Variants in STK39 observed in about 807,000 individuals in gnomAD.
The protein encoded by STK39 is STE20/SPS1-related proline-alanine-rich protein kinase.
In STK39, 20 loss-of-function variants were observed where a neutral mutation model predicts 77.8. That is an observed-to-expected ratio of 0.26 (90% confidence interval 0.18 to 0.37). The LOEUF (loss-of-function observed/expected upper bound fraction) is 0.37. STK39 is among the 10% of genes least tolerant of loss of function. STK39 has a pLI of 1.00. For synonymous variants in STK39, 246 were observed against 234.1 expected (o/e 1.05, Z -0.47); for missense variants, 479 against 656.5 (o/e 0.73, Z 2.95).
intron 2 of STK39, among the ~76,000 whole-genome samples, chr2:168,173,277 G>T (rs1688873804): frequency 6.6e-6 from 1 of 152,088 alleles, no homozygotes; most frequent in African/African-American, 2.4e-5. Context: ...TCTTTAAATG[G>T]TATAGGAGTA....
intron 10 of STK39, among the ~76,000 whole-genome samples, chr2:168,089,894 T>C (rs572570234): frequency 6.6e-6 from 1 of 152,360 alleles, no homozygotes; most frequent in East Asian, 1.9e-4. Context: ...CCACCGCACC[T>C]GGTCTAATAT....
intron 10 of STK39, among the ~76,000 whole-genome samples, chr2:168,077,505 G>A (rs1198274762): frequency 6.6e-6 from 1 of 152,172 alleles, no homozygotes; most frequent in Non-Finnish European, 1.5e-5. Context: ...GAAAGAAATG[G>A]TGGGATGGGC....
intron 5 of STK39, among the ~76,000 whole-genome samples, chr2:168,156,799 T>C (rs1475990716): frequency 2.0e-5 from 3 of 152,238 alleles, no homozygotes; most frequent in East Asian, 3.8e-4. Context: ...AAGGTGCTCA[T>C]AAATGTGATG....
At chr2:168,129,432 G>A (rs1020963825) in intron 10 of STK39, 109 bp downstream of exon 10, 64 of 1,192,684 alleles carry the variant, frequency 5.4e-5, no homozygotes, top group African/African-American at 3.1e-4. Context: ...GAGATATAGC[G>A]TCTGAATAGT....
intron 2 of STK39, among the ~76,000 whole-genome samples, chr2:168,172,369 G>T (rs897155892): frequency 6.6e-6 from 1 of 152,154 alleles, no homozygotes; most frequent in Admixed American, 6.5e-5. Context: ...TGTAATGCAT[G>T]GATAGGTCAT....
chr2:168,129,038 G>A lies in STK39; in HGVS notation c.1089+503C>T, dbSNP rs375023982. ...TTTTAGAAATCTAAAACCTAAAATG[G>A]AAGATTGTTCAGCTAATCATTACCA... On this transcript the variant is annotated intron_variant, in intron 10 of 17. Coordinates refer to ENST00000355999, the MANE Select transcript of STK39 (RefSeq NM_013233.3). Among the ~76,000 whole-genome samples the A allele has an allele frequency of 3.3e-5, 5 of 152,212 alleles. No homozygotes were observed. The East Asian group carries it at 7.7e-4, about 23-fold the overall frequency.
chr2:168,016,194 C>G (rs1684399412), intron 15 of STK39, among the ~76,000 whole-genome samples: 1 of 152,070 alleles, frequency 6.6e-6, no homozygotes, highest in South Asian at 2.1e-4. Context: ...TCTCAAAGTG[C>G]TGGGATTACA....
intron 16 of STK39, among the ~76,000 whole-genome samples, chr2:167,971,875 C>T (rs1354719333): frequency 6.6e-6 from 1 of 152,182 alleles, no homozygotes; most frequent in African/African-American, 2.4e-5. Flanking sequence ...AGACAGGGCC[C>T]CACCAGGGGC....
At chr2:167,956,696 A>ACACACT (rs776309488) in intron 17 of STK39, among the ~76,000 whole-genome samples, 2 of 48,992 alleles carry the variant, frequency 4.1e-5, no homozygotes, top group African/African-American at 1.6e-4. Flanking sequence ...ACACACACAC[A>ACACACT]CTCTCTCTCT....
At chr2:168,188,949 C>A (rs1350125734) in intron 1 of STK39, among the ~76,000 whole-genome samples, 1 of 152,204 alleles carries the variant, frequency 6.6e-6, no homozygotes, top group Non-Finnish European at 1.5e-5. Context: ...TTTCTCAAGG[C>A]AGCTACAAAC....
chr2:168,140,448 A>T, intron 6 of STK39, 58 bp from the exon 7 acceptor site: 1 of 1,452,864 alleles, frequency 6.9e-7, no homozygotes, highest in Non-Finnish European at 9.7e-7. Context: ...ACACATCATC[A>T]AGTCCATGTC....
chr2:168,150,425 T>C (rs1688249544), intron 5 of STK39, among the ~76,000 whole-genome samples: 1 of 152,182 alleles, frequency 6.6e-6, no homozygotes, highest in African/African-American at 2.4e-5. Flanking sequence ...GGCACACCTC[T>C]TTGGGAATAC....
intron 5 of STK39, among the ~76,000 whole-genome samples, chr2:168,151,738 C>CAA (rs146231233): frequency 2.7e-5 from 3 of 111,486 alleles, no homozygotes; most frequent in Non-Finnish European, 6.2e-5. Flanking sequence ...GACTCGGTCT[C>CAA]AAAAAAAAAA....
chr2:168,244,601 T>C (rs891587241), intron 1 of STK39, among the ~76,000 whole-genome samples: 2 of 152,262 alleles, frequency 1.3e-5, no homozygotes, highest in Non-Finnish European at 2.9e-5. Flanking sequence ...CAAAAGTGCT[T>C]AACCACAAGT....
intron 8 of STK39, among the ~76,000 whole-genome samples, chr2:168,133,255 T>C (rs948994296): frequency 6.6e-6 from 1 of 152,060 alleles, no homozygotes; most frequent in South Asian, 2.1e-4. Flanking sequence ...TAACCAAAAA[T>C]GTAAAAGGGA....
chr2:167,983,555 C>T (rs1683484977), intron 16 of STK39, among the ~76,000 whole-genome samples: 1 of 151,064 alleles, frequency 6.6e-6, no homozygotes, highest in Non-Finnish European at 1.5e-5. Flanking sequence ...AAATTATTCT[C>T]CTTTATTGGG....
chr2:168,012,464 C>T (rs1470062869), intron 16 of STK39, among the ~76,000 whole-genome samples, 170 bp downstream of exon 16: 13 of 152,126 alleles, frequency 8.5e-5, no homozygotes, highest in African/African-American at 1.9e-4. Flanking sequence ...TGAGTCATGG[C>T]GCCCGTCCAA....
chr2:168,240,937 T>G (rs1315252141), intron 1 of STK39, among the ~76,000 whole-genome samples: 1 of 152,228 alleles, frequency 6.6e-6, no homozygotes, highest in African/African-American at 2.4e-5. Flanking sequence ...AGAAAAGGAC[T>G]GCAGTGTCCA....
At chr2:167,959,388 G>A (rs1461822365) in intron 17 of STK39, among the ~76,000 whole-genome samples, 1 of 151,728 alleles carries the variant, frequency 6.6e-6, no homozygotes, top group African/African-American at 2.4e-5. Flanking sequence ...GCCTCCCAAA[G>A]TGCTGGGATT....
Sources: gnomAD v4.1 joint callset for allele counts (sites outside exome capture counted in the v4.1 genomes callset) on GRCh38, gnomAD v4.1.1 for gene constraint, MANE v1.5 for transcripts, NCBI Gene and HGNC (gene_info 2026-07-23, HGNC 2026-07-21) for gene names.